Variants in IGSF6 observed in about 807,000 individuals in gnomAD.
IGSF6 encodes the protein down-regulated by activation (immunoglobulin superfamily).
A neutral mutation model predicts 24.7 loss-of-function variants in IGSF6; 23 were observed. The observed-to-expected ratio is 0.93, with a 90% CI of 0.67 to 1.32. The LOEUF is 1.32. IGSF6 is among the 40% of genes most tolerant of loss of function. The pLI, the probability that IGSF6 is intolerant of heterozygous loss-of-function variation, is 0.00. For synonymous variants in IGSF6, 110 were observed against 113.7 expected, an observed-to-expected ratio of 0.97 and a Z score of 0.21; for missense variants, 295 against 293.6, an observed-to-expected ratio of 1.00 and a Z score of -0.04.
rs1966458147 is a variant in IGSF6, at chr16:21,647,387, C to T, written c.173G>A (p.Cys58Tyr). 6.2e-7 allele frequency: 1 copy of T among 1,613,988 alleles called. No individual in the cohort carries two copies. Among genetic ancestry groups the T allele is most frequent in the African/African-American group, 1.3e-5 (1 of 74,898 alleles). The change falls in exon 2 of 6, where the codon TGC (cysteine) becomes TAC (tyrosine). Residue 58 changes from cysteine to tyrosine, a missense_variant. Transcript: ENST00000268389. ...CAGGCATGTTGGTTGCTCAGAAGGG[C>T]ATCCGGTTGCGGAGAAGGTACACTT... ...TIKCTFSATGCPSEQPTCLWF... is the reference protein window; with the variant it reads ...TIKCTFSATGYPSEQPTCLWF...
intron 1 of IGSF6, among the ~76,000 whole-genome samples, chr16:21,651,330 T>C (rs1966570080): frequency 6.6e-6 from 1 of 151,874 alleles, no homozygotes; most frequent in Non-Finnish European, 1.5e-5. Context: ...TGTCTTGCTC[T>C]GTTGCCCAGG....
chr16:21,649,284 C>T (rs1314535543), intron 1 of IGSF6, among the ~76,000 whole-genome samples: 2 of 152,152 alleles, frequency 1.3e-5, no homozygotes, highest in East Asian at 1.9e-4. Flanking sequence ...TGAGCCACTG[C>T]GCCTTGCTCT....
Position 21,641,388 on chromosome 16 carries a change from C to T in IGSF6, c.*146G>A. 2 of 471,028 alleles carry T rather than the reference C, an allele frequency of 4.2e-6. No individual in the cohort carries two copies. Among genetic ancestry groups the T allele is most frequent in the South Asian group, 4.2e-5 (1 of 23,656 alleles). The allele number at this position is 471,028 out of a possible 1,614,324, so 29.2% of individuals were successfully genotyped here. Reference sequence around the variant, plus strand: ...GGTAATGACTATTAGTTATAGTTTCCTTACATTCTGACATCCTTCTTTGTA... The same window carrying T: ...GGTAATGACTATTAGTTATAGTTTCTTTACATTCTGACATCCTTCTTTGTA... On this transcript the variant is annotated 3_prime_UTR_variant, in exon 6 of 6. Coordinates refer to ENST00000268389, the MANE Select transcript of IGSF6 (RefSeq NM_005849.4).
In IGSF6 at chr16:21,639,814, A is replaced by T. The variant is rs1966200221; in HGVS notation, c.*1720T>A. On this transcript the variant is annotated 3_prime_UTR_variant, in exon 6 of 6. Coordinates refer to ENST00000268389, the MANE Select transcript of IGSF6 (RefSeq NM_005849.4). The stretch of plus-strand genomic sequence containing the variant: ...GGATCAGGAAAGTTTGATATCACTG[A>T]TTTAAACCATCAATGCAAAAACACT... The T allele has an allele frequency of 6.6e-6, 1 of 152,216 alleles. No individual in the cohort carries two copies. Among genetic ancestry groups the T allele is most frequent in the Admixed American group, 6.5e-5 (1 of 15,286 alleles). The allele number at this position is 152,216 out of a possible 1,614,324, so 9.4% of individuals were successfully genotyped here. A position where few individuals can be genotyped will look rare whatever the true frequency, so the allele number is the denominator to read the frequency against.
rs1448081919 is a variant in IGSF6 at position 21,646,828 on chromosome 16, G to A, written c.427+305C>T. Reference sequence around the variant, plus strand: ...ATGCCACCATGCGCGGCTAATTTTTGTATTTTGAGTAGAGATGGGGTTTCA... The same window carrying A: ...ATGCCACCATGCGCGGCTAATTTTTATATTTTGAGTAGAGATGGGGTTTCA... On this transcript the variant is annotated intron_variant, in intron 2 of 5. Coordinates refer to ENST00000268389, the MANE Select transcript of IGSF6 (RefSeq NM_005849.4). 4.1e-5 allele frequency: 15 copies of A among 369,386 alleles called. No homozygotes were observed. The Admixed American group carries it at 5.7e-4, about 14-fold the overall frequency. The allele number at this position is 369,386 out of a possible 1,614,324, so 22.9% of individuals were successfully genotyped here. A position where few individuals can be genotyped will look rare whatever the true frequency, so the allele number is the denominator to read the frequency against.
chr16:21,649,042 G>A lies in IGSF6; in HGVS notation c.68-1550C>T, dbSNP rs562495374. 1.4e-4 allele frequency among the ~76,000 whole-genome samples: 21 copies of A among 152,236 alleles called. No individual in the cohort carries two copies. In the South Asian group the frequency reaches 4.3e-3, roughly 32 times the overall value. On this transcript the variant is annotated intron_variant, in intron 1 of 5. Coordinates refer to ENST00000268389, the MANE Select transcript of IGSF6 (RefSeq NM_005849.4). Reference sequence around the variant, plus strand: ...CAGAGTCTCTGTCTCCCAGGCTGGAGTGCAATGGTGCAATCACGGCACACT... The same window carrying A: ...CAGAGTCTCTGTCTCCCAGGCTGGAATGCAATGGTGCAATCACGGCACACT...
intron 1 of IGSF6, among the ~76,000 whole-genome samples, chr16:21,650,592 G>A (rs553333787): frequency 1.3e-5 from 2 of 151,948 alleles, no homozygotes; most frequent in African/African-American, 4.8e-5. Flanking sequence ...AGTAGTATAG[G>A]ATAAAAACAG....
At chr16:21,650,448 C>T (rs1318934913) in intron 1 of IGSF6, among the ~76,000 whole-genome samples, 1 of 143,748 alleles carries the variant, frequency 7.0e-6, no homozygotes, top group African/African-American at 2.6e-5. Flanking sequence ...GTGGAGGTTG[C>T]AGTGAGCTGA....
chr16:21,641,570 T>C lies in IGSF6; in HGVS notation c.690A>G (p.Glu230=), dbSNP rs754029991. The C allele has an allele frequency of 4.4e-6, 7 of 1,589,446 alleles. No individual in the cohort carries two copies. The highest frequency in any genetic ancestry group is 6.0e-6 in the Non-Finnish European group (7 of 1,159,940). Reference sequence around the variant, plus strand: ...CATAGTTGGAAAGTACTCTTCTGTTTTCATAAGTGTTGTTATCTTTCTCCT... The same window carrying C: ...CATAGTTGGAAAGTACTCTTCTGTTCTCATAAGTGTTGTTATCTTTCTCCT... ...QQSEKDNNTY[E]NRRVLSNYER... Residue 230 remains glutamate (E), a synonymous_variant, in exon 6 of 6, where the codon GAA becomes GAG. Transcript: ENST00000268389.
chr16:21,642,146 G>A (rs552285337), intron 5 of IGSF6: 5 of 152,280 alleles, frequency 3.3e-5, no homozygotes, highest in Non-Finnish European at 5.9e-5. Flanking sequence ...AGTTCGTGAA[G>A]CGTTCCATAT....
chr16:21,640,503 C>G lies in IGSF6; in HGVS notation c.*1031G>C, dbSNP rs1337143557. 6.7e-6 allele frequency: 1 copy of G among 149,828 alleles called. No individual in the cohort carries two copies. Among genetic ancestry groups the G allele is most frequent in the African/African-American group, 2.5e-5 (1 of 40,668 alleles). 9.3% of individuals were successfully genotyped at this position (149,828 alleles called of 1,614,324 possible). On this transcript the variant is annotated 3_prime_UTR_variant, in exon 6 of 6. Transcript: ENST00000268389. The stretch of plus-strand genomic sequence containing the variant: ...CGGTGGCTCACGCCTGTAATCCCAG[C>G]ACTTTGGGAGGCCATTTCAGGCAGA...
chr16:21,651,467 A>G (rs534233036), intron 1 of IGSF6, among the ~76,000 whole-genome samples: 1 of 149,938 alleles, frequency 6.7e-6, no homozygotes, highest in Admixed American at 6.7e-5. Flanking sequence ...ACGCCCAGCT[A>G]TTTTTTTTTC....
Position 21,644,480 on chromosome 16 carries a change from G to T in IGSF6, c.428-84C>A. 3 of 930,488 alleles carry T rather than the reference G, an allele frequency of 3.2e-6. 1 individual carries two copies. Among genetic ancestry groups the T allele is most frequent in the South Asian group, 2.9e-5 (2 of 69,866 alleles). 57.6% of individuals were successfully genotyped at this position (930,488 alleles called of 1,614,324 possible). A position where few individuals can be genotyped will look rare whatever the true frequency, so the allele number is the denominator to read the frequency against. On this transcript the variant is annotated intron_variant, in intron 2 of 5. Transcript: ENST00000268389. ...ATGTGTAAAGTATCCTTCACACTGC[G>T]TTTTAGAGGTGAAACGTGAACTTAC...
chr16:21,651,040 G>A (rs1966559881), intron 1 of IGSF6, among the ~76,000 whole-genome samples: 1 of 152,108 alleles, frequency 6.6e-6, no homozygotes, highest in Non-Finnish European at 1.5e-5. Context: ...TGGCTAACAC[G>A]GTGAAACGCT....
At chr16:21,646,855 C>T in intron 2 of IGSF6, 1 of 416,258 alleles carries the variant, frequency 2.4e-6, no homozygotes, top group Non-Finnish European at 4.5e-6. Context: ...GGGGTTTCAC[C>T]ATGTTGGCCA....
intron 1 of IGSF6, 78 bp downstream of exon 1, chr16:21,652,454 C>G (rs1167844853): frequency 2.6e-6 from 3 of 1,135,670 alleles, no homozygotes; most frequent in African/African-American, 3.1e-5. Flanking sequence ...TCTGAAGGAG[C>G]TTAAAATATA....
In IGSF6 at chr16:21,643,534, G is replaced by A. The variant is rs767462197; in HGVS notation, c.585+14C>T. 2 of 1,540,342 alleles carry A rather than the reference G, an allele frequency of 1.3e-6. No individual in the cohort carries two copies. Among genetic ancestry groups the A allele is most frequent in the East Asian group, 2.3e-5 (1 of 44,378 alleles). ...CCACAATTTAAAAAATATTTTTCAA[G>A]TGTTGGTCTGTACCTTTTGTGAGTC... On this transcript the variant is annotated intron_variant, in intron 4 of 5. Transcript: ENST00000268389.
At chr16:21,649,679 T>G (rs1449366419) in intron 1 of IGSF6, among the ~76,000 whole-genome samples, 1 of 152,210 alleles carries the variant, frequency 6.6e-6, no homozygotes, top group Non-Finnish European at 1.5e-5. Context: ...GTAAAATTAT[T>G]TTTAAAAAGT....
In IGSF6 at chr16:21,641,480, G is replaced by T; in HGVS notation, c.*54C>A. ...CTGATGATATATGTTCATTAACACT[G>T]CCATAGCTCCTGGAGTTGGATTTTC... On this transcript the variant is annotated 3_prime_UTR_variant, in exon 6 of 6. Coordinates refer to ENST00000268389, the MANE Select transcript of IGSF6 (RefSeq NM_005849.4). The T allele has an allele frequency of 9.7e-7, 1 of 1,025,770 alleles. No individual in the cohort carries two copies. Among genetic ancestry groups the T allele is most frequent in the Non-Finnish European group, 1.5e-6 (1 of 665,360 alleles). The allele number at this position is 1,025,770 out of a possible 1,614,324, so 63.5% of individuals were successfully genotyped here. A position where few individuals can be genotyped will look rare whatever the true frequency, so the allele number is the denominator to read the frequency against.
Sources: gnomAD v4.1 joint callset for allele counts (sites outside exome capture counted in the v4.1 genomes callset) on GRCh38, gnomAD v4.1.1 for gene constraint, MANE v1.5 for transcripts, NCBI Gene and HGNC (gene_info 2026-07-23, HGNC 2026-07-21) for gene names.